EXOC4: variants seen among roughly 807,000 people sequenced by gnomAD.
The protein encoded by EXOC4 is exocyst complex component 4, also known as SEC8-like 1.
In EXOC4, 71 loss-of-function variants were observed where a neutral mutation model predicts 107.2. The observed-to-expected ratio is 0.66, with a 90% confidence interval of 0.55 to 0.81. EXOC4 has a LOEUF of 0.81. Among genes scored for constraint, EXOC4 ranks in the 30% least tolerant of loss-of-function variants. EXOC4 has a pLI of 0.00. For synonymous variants in EXOC4, 456 were observed against 441.2 expected (o/e 1.03, Z -0.42); for missense variants, 1,108 against 1,189.6 (o/e 0.93, Z 1.01).
chr7:133,864,084 A>T (rs555993808), intron 11 of EXOC4, among the ~76,000 whole-genome samples: 2 of 152,244 alleles, frequency 1.3e-5, no homozygotes, highest in South Asian at 4.2e-4. Context: ...CTGATGGCTA[A>T]TTTGCATAAA....
At chr7:133,925,466 G>A (rs961718334) in intron 13 of EXOC4, among the ~76,000 whole-genome samples, 2 of 152,102 alleles carry the variant, frequency 1.3e-5, no homozygotes, top group Admixed American at 1.3e-4. Context: ...CTGATAAAAG[G>A]CATTCCTGCT....
At chr7:133,606,337 C>CT (rs1317980065) in intron 9 of EXOC4, among the ~76,000 whole-genome samples, 10 of 151,978 alleles carry the variant, frequency 6.6e-5, no homozygotes, top group Non-Finnish European at 1.2e-4. Context: ...CTGTACATCT[C>CT]TGTTTCCTTC....
intron 10 of EXOC4, among the ~76,000 whole-genome samples, chr7:133,785,191 C>T (rs529942299): frequency 5.3e-5 from 8 of 152,250 alleles, no homozygotes; most frequent in African/African-American, 1.9e-4. Flanking sequence ...TGGAATAATA[C>T]CTGACAATTA....
intron 6 of EXOC4, among the ~76,000 whole-genome samples, chr7:133,371,138 T>C (rs1376811295): frequency 6.6e-6 from 1 of 152,124 alleles, no homozygotes; most frequent in Non-Finnish European, 1.5e-5. Flanking sequence ...AGATGCCAGG[T>C]TTCATTTTTC....
In EXOC4 at chr7:133,474,168, G is replaced by A. The variant is rs532472157; in HGVS notation, c.1183-1160G>A. On this transcript the variant is annotated intron_variant, in intron 7 of 17. Coordinates refer to ENST00000253861, the MANE Select transcript of EXOC4 (RefSeq NM_021807.4). ...CTCTTCCTTCTTATTATCTTTCTTT[G>A]TGGTTACATGATCTCTCTGGTAGCA... Among the ~76,000 whole-genome samples, 12 of 152,086 alleles carry A rather than the reference G, an allele frequency of 7.9e-5. No individual in the cohort carries two copies. The South Asian group carries it at 1.5e-3, about 18-fold the overall frequency.
rs571393292 is a variant in EXOC4, at chr7:133,729,662, G to A, written c.1515-87663G>A. Reference sequence around the variant, plus strand: ...AACTTCTTTGGTCTTTTCAAAGATGGTAAGACTTCTCAAGCTTTCTTGTTA... The same window carrying A: ...AACTTCTTTGGTCTTTTCAAAGATGATAAGACTTCTCAAGCTTTCTTGTTA... On this transcript the variant is annotated intron_variant, in intron 10 of 17. Coordinates refer to ENST00000253861, the MANE Select transcript of EXOC4 (RefSeq NM_021807.4). Among the ~76,000 whole-genome samples, 3 of 152,142 alleles carry A rather than the reference G, an allele frequency of 2.0e-5. No homozygotes were observed. In the South Asian group the frequency reaches 6.2e-4, roughly 32 times the overall value.
At chr7:133,530,760 A>T (rs549888819) in intron 9 of EXOC4, among the ~76,000 whole-genome samples, 2 of 152,174 alleles carry the variant, frequency 1.3e-5, no homozygotes, top group Non-Finnish European at 2.9e-5. Context: ...TTTTGAGAGT[A>T]AAAAAAGGAA....
At chr7:133,774,787 C>T (rs1796311988) in intron 10 of EXOC4, among the ~76,000 whole-genome samples, 1 of 152,064 alleles carries the variant, frequency 6.6e-6, no homozygotes, top group Admixed American at 6.6e-5. Flanking sequence ...AAGCTCATCT[C>T]TGGAGTAATT....
At chr7:133,487,727 C>A (rs554891477) in intron 9 of EXOC4, among the ~76,000 whole-genome samples, 4 of 151,458 alleles carry the variant, frequency 2.6e-5, no homozygotes, top group East Asian at 1.9e-4. Context: ...AACAAACAAA[C>A]AAAAAAAACG....
At chr7:133,963,919 A>C in intron 14 of EXOC4, among the ~76,000 whole-genome samples, 1 of 152,212 alleles carries the variant, frequency 6.6e-6, no homozygotes, top group East Asian at 1.9e-4. Flanking sequence ...GTTACCTAGG[A>C]AATACAGACA....
intron 7 of EXOC4, among the ~76,000 whole-genome samples, chr7:133,474,321 T>G (rs1272886546): frequency 6.6e-6 from 1 of 151,964 alleles, no homozygotes; most frequent in Non-Finnish European, 1.5e-5. Context: ...TTTTTTAACT[T>G]TTTAATTTTT....
intron 7 of EXOC4, chr7:133,396,562 G>C (rs1172291388): frequency 6.6e-6 from 1 of 152,194 alleles, no homozygotes; most frequent in Non-Finnish European, 1.5e-5. Flanking sequence ...AATTAGGAAA[G>C]TACCTGAGGG....
In EXOC4 at chr7:133,612,380, T is replaced by G. The variant is rs564066004; in HGVS notation, c.1418-17665T>G. Among the ~76,000 whole-genome samples, 8 of 152,314 alleles carry G rather than the reference T, an allele frequency of 5.3e-5. No homozygotes were observed. The South Asian group carries it at 1.4e-3, about 28-fold the overall frequency. Reference sequence around the variant, plus strand: ...TTATTTATATTGGATTTTACTCTCTTTATATGCCAAGGAAGGGCTTACTCA... The same window carrying G: ...TTATTTATATTGGATTTTACTCTCTGTATATGCCAAGGAAGGGCTTACTCA... On this transcript the variant is annotated intron_variant, in intron 9 of 17. Transcript: ENST00000253861.
chr7:133,342,248 T>C (rs1397251769), intron 5 of EXOC4, among the ~76,000 whole-genome samples: 1 of 152,166 alleles, frequency 6.6e-6, no homozygotes, highest in Non-Finnish European at 1.5e-5. Flanking sequence ...CGAATTCTCT[T>C]AGCATTTGTT....
At chr7:133,279,837 A>C (rs1794090275) in intron 2 of EXOC4, among the ~76,000 whole-genome samples, 1 of 152,126 alleles carries the variant, frequency 6.6e-6, no homozygotes, top group South Asian at 2.1e-4. Flanking sequence ...TCATTTTTTG[A>C]CATTACTTTC....
intron 10 of EXOC4, among the ~76,000 whole-genome samples, chr7:133,703,970 A>C (rs1249941080): frequency 1.3e-5 from 2 of 152,234 alleles, no homozygotes; most frequent in Non-Finnish European, 2.9e-5. Flanking sequence ...TTCTATAAGT[A>C]GCCTGTTGAA....
intron 11 of EXOC4, among the ~76,000 whole-genome samples, chr7:133,833,604 C>T (rs2151240406): frequency 6.6e-6 from 1 of 152,266 alleles, no homozygotes; most frequent in Non-Finnish European, 1.5e-5. Context: ...ACTCTGTCAC[C>T]CAGGCTGGAG....
At chr7:133,756,272 T>TA (rs1457542967) in intron 10 of EXOC4, among the ~76,000 whole-genome samples, 1 of 152,216 alleles carries the variant, frequency 6.6e-6, no homozygotes, top group African/African-American at 2.4e-5. Context: ...GTACTCATGT[T>TA]ACAATTTAAG....
intron 9 of EXOC4, among the ~76,000 whole-genome samples, chr7:133,540,773 TAATA>T (rs1800364825): frequency 6.6e-6 from 1 of 152,222 alleles, no homozygotes; most frequent in Non-Finnish European, 1.5e-5. Context: ...CTTGCAAAGC[TAATA>T]GCTTCCCATT....
Sources: allele counts gnomAD v4.1 joint callset (sites outside exome capture counted in the v4.1 genomes callset), GRCh38; gene constraint gnomAD v4.1.1; transcripts MANE v1.5; gene names NCBI Gene and HGNC (gene_info 2026-07-23, HGNC 2026-07-21).